RXRA: variants seen among roughly 807,000 people sequenced by gnomAD.
RXRA encodes retinoid X receptor alpha, also known as retinoic acid receptor RXR-alpha.
Under a neutral mutation model 44.5 loss-of-function variants are expected in RXRA, and 5 were observed. That is an observed-to-expected ratio of 0.11 (90% confidence interval 0.06 to 0.24). The LOEUF (loss-of-function observed/expected upper bound fraction) is 0.24. Among genes scored for constraint, RXRA ranks in the 10% least tolerant of loss-of-function variants. RXRA has a pLI of 1.00. For synonymous variants in RXRA, 291 were observed against 271.4 expected (o/e 1.07, Z -0.71); for missense variants, 412 against 646.5 (o/e 0.64, Z 3.93).
intron 7 of RXRA, 78 bp from the exon 8 acceptor site, chr9:134,431,827 G>A: frequency 8.7e-7 from 1 of 1,152,612 alleles, no homozygotes; most frequent in South Asian, 1.3e-5. Context: ...CTCTCCAGAG[G>A]CCTTGGGTAT....
At position 134,407,043 on chromosome 9, in the gene RXRA, C is replaced by T. The variant is rs898823696; in HGVS notation, c.280-1106C>T. On this transcript the variant is annotated intron_variant, in intron 2 of 9. Transcript: ENST00000481739. This position sits in a 1 kb window ranked among gnomAD's most constrained non-coding sequence, Gnocchi z 4.8. ...GGGGACCTCCTGGCCTCTCGCAGCC[C>T]ACCTGAGTCCTGCAGGGACCAAGCA... Among the ~76,000 whole-genome samples, 1 of 152,334 alleles carries T rather than the reference C, an allele frequency of 6.6e-6. No homozygotes were observed. Among genetic ancestry groups the T allele is most frequent in the East Asian group, 1.9e-4 (1 of 5,164 alleles).
At position 134,342,678 on chromosome 9, in the gene RXRA, T is replaced by C. The variant is rs1334889854; in HGVS notation, c.28+16019T>C. Among the ~76,000 whole-genome samples, 1 of 151,998 alleles carries C rather than the reference T, an allele frequency of 6.6e-6. No individual in the cohort carries two copies. Among genetic ancestry groups the C allele is most frequent in the East Asian group, 1.9e-4 (1 of 5,172 alleles). ...GGCCCCTGTGGTTCCCACAGGGCCA[T>C]GTGTGGTCTCCAGGGCTGAGATGGC... On this transcript the variant is annotated intron_variant, in intron 1 of 9. Coordinates refer to ENST00000481739, the MANE Select transcript of RXRA (RefSeq NM_002957.6). This position sits in a 1 kb window ranked among gnomAD's most constrained non-coding sequence, Gnocchi z 4.4.
chr9:134,421,562 C>T (rs1415078570), intron 5 of RXRA, 114 bp from the exon 6 acceptor site: 12 of 1,220,498 alleles, frequency 9.8e-6, no homozygotes, highest in Non-Finnish European at 1.4e-5. Flanking sequence ...TCTTTGGGGG[C>T]CGTATTCAGC....
chr9:134,414,314 C>T (rs1462512226), intron 4 of RXRA, among the ~76,000 whole-genome samples: 1 of 152,270 alleles, frequency 6.6e-6, no homozygotes, highest in Non-Finnish European at 1.5e-5. Flanking sequence ...GTCTGGGGCT[C>T]CCCATGCCCT....
intron 5 of RXRA, among the ~76,000 whole-genome samples, chr9:134,421,101 C>A (rs36048743): frequency 6.6e-6 from 1 of 152,210 alleles, no homozygotes; most frequent in Non-Finnish European, 1.5e-5. Context: ...CTCGCCGCAC[C>A]TGCCTTCCAG....
At chr9:134,371,370 G>C (rs1287366229) in intron 1 of RXRA, among the ~76,000 whole-genome samples, 3 of 152,240 alleles carry the variant, frequency 2.0e-5, no homozygotes, top group Non-Finnish European at 4.4e-5. Context: ...GGCCCCCCTG[G>C]TGTTCATTCA....
Position 134,397,093 on chromosome 9 carries a change from G to A in RXRA, c.29-4539G>A, listed in dbSNP as rs556703197. ...CCCAGGCTTCCTGCTCTGGGGTCCA[G>A]GGAGCAGAAGCATCCTGGCACTGGT... On this transcript the variant is annotated intron_variant, in intron 1 of 9. Coordinates refer to ENST00000481739, the MANE Select transcript of RXRA (RefSeq NM_002957.6). Among the ~76,000 whole-genome samples, 13 of 152,342 alleles carry A rather than the reference G, an allele frequency of 8.5e-5. No individual in the cohort carries two copies. In the East Asian group the frequency reaches 2.5e-3, roughly 29 times the overall value.
chr9:134,339,647 CTGTGTGTGTGCCTG>C (rs1280852020), intron 1 of RXRA, among the ~76,000 whole-genome samples: 4 of 121,580 alleles, frequency 3.3e-5, no homozygotes, highest in African/African-American at 1.3e-4. Context: ...GTGCGTGTGT[CTGTGTGTGTGCCTG>C]TGTGTGTGTG....
At chr9:134,330,113 C>T (rs1834979888) in intron 1 of RXRA, among the ~76,000 whole-genome samples, 1 of 152,122 alleles carries the variant, frequency 6.6e-6, no homozygotes, top group Admixed American at 6.5e-5. Context: ...GGGCTGGGAC[C>T]TCGAGTGGTG....
intron 2 of RXRA, 172 bp downstream of exon 2, chr9:134,402,054 C>G (rs889061316): frequency 1.0e-4 from 64 of 621,862 alleles, no homozygotes; most frequent in Non-Finnish European, 1.5e-4. Flanking sequence ...GGGGTTTGAG[C>G]CCAGGTGGGG....
At chr9:134,347,559 G>A (rs1443944857) in intron 1 of RXRA, among the ~76,000 whole-genome samples, 1 of 152,214 alleles carries the variant, frequency 6.6e-6, no homozygotes, top group African/African-American at 2.4e-5. Context: ...GCACAAGGCT[G>A]GGGGAGGACG....
At chr9:134,359,694 G>A (rs1448543952) in intron 1 of RXRA, among the ~76,000 whole-genome samples, 1 of 152,206 alleles carries the variant, frequency 6.6e-6, no homozygotes, top group East Asian at 1.9e-4. Context: ...CAGGCTGAGG[G>A]CAGGGGAAGC....
chr9:134,364,640 A>G (rs577955186), intron 1 of RXRA, among the ~76,000 whole-genome samples: 1 of 152,134 alleles, frequency 6.6e-6, no homozygotes, highest in South Asian at 2.1e-4. Context: ...GGGTGTGGAT[A>G]TGGCAGAGCA....
At position 134,342,441 on chromosome 9, in the gene RXRA, A is replaced by C. The variant is rs1369354821; in HGVS notation, c.28+15782A>C. On this transcript the variant is annotated intron_variant, in intron 1 of 9. Coordinates refer to ENST00000481739, the MANE Select transcript of RXRA (RefSeq NM_002957.6). This position sits in a 1 kb window ranked among gnomAD's most constrained non-coding sequence, Gnocchi z 4.4. ...GGCCGATCCTTGCCCTTTCCCTGCC[A>C]GGAAACTGAGGCACAGAGAGCAGGG... Among the ~76,000 whole-genome samples the C allele has an allele frequency of 1.3e-5, 2 of 152,318 alleles. No homozygotes were observed. Among genetic ancestry groups the C allele is most frequent in the East Asian group, 3.9e-4 (2 of 5,174 alleles).
At chr9:134,333,123 T>C (rs926716727) in intron 1 of RXRA, among the ~76,000 whole-genome samples, 1 of 152,024 alleles carries the variant, frequency 6.6e-6, no homozygotes, top group African/African-American at 2.4e-5. Flanking sequence ...GCTGAGACCA[T>C]GGAGGGGACC....
At position 134,395,874 on chromosome 9, in the gene RXRA, A is replaced by T. The variant is rs186213732; in HGVS notation, c.29-5758A>T. 1.1e-3 allele frequency among the ~76,000 whole-genome samples: 166 copies of T among 152,352 alleles called. 2 individuals carry two copies. Among genetic ancestry groups the T allele is most frequent in the Non-Finnish European group, 1.5e-3 (99 of 68,030 alleles). On this transcript the variant is annotated intron_variant, in intron 1 of 9. Transcript: ENST00000481739. ...GTTGGGGAAAGGGCAGGGTAACCTCAGAAGAGCTGAAATTCCAGCCTGGGC... is the reference window on the plus strand; with the variant it reads ...GTTGGGGAAAGGGCAGGGTAACCTCTGAAGAGCTGAAATTCCAGCCTGGGC...
Position 134,328,965 on chromosome 9 carries a change from C to T in RXRA, c.28+2306C>T, listed in dbSNP as rs113258469. 1.6e-3 allele frequency among the ~76,000 whole-genome samples: 243 copies of T among 152,328 alleles called. 1 individual carries two copies. The highest frequency in any genetic ancestry group is 2.7e-3 in the Non-Finnish European group (182 of 68,018). Reference sequence around the variant, plus strand: ...GGAAGGAAAGCAAGGCCGAGGGACTCGCCAGAGGCAGCCCCAGCTTCCTGG... The same window carrying T: ...GGAAGGAAAGCAAGGCCGAGGGACTTGCCAGAGGCAGCCCCAGCTTCCTGG... On this transcript the variant is annotated intron_variant, in intron 1 of 9. Coordinates refer to ENST00000481739, the MANE Select transcript of RXRA (RefSeq NM_002957.6).
At position 134,409,131 on chromosome 9, in the gene RXRA, C is replaced by T. The variant is rs749220618; in HGVS notation, c.610+12C>T. On this transcript the variant is annotated intron_variant, in intron 4 of 9. Transcript: ENST00000481739. ...CATGAAGCGGGAAGGTAGGCCACGG[C>T]GTCGGGTGGGGGCGCGGGCAGGTGT... is the stretch of plus-strand genomic sequence containing the variant. 3.1e-5 allele frequency: 48 copies of T among 1,540,450 alleles called. No homozygotes were observed. The highest frequency in any genetic ancestry group is 4.0e-5 in the Admixed American group (2 of 50,508).
At chr9:134,409,740 T>C (rs1488958330) in intron 4 of RXRA, among the ~76,000 whole-genome samples, 1 of 152,206 alleles carries the variant, frequency 6.6e-6, no homozygotes, top group African/African-American at 2.4e-5. Flanking sequence ...CTCTCAGGTT[T>C]GGCGATTCCT....
Sources: gnomAD v4.1 joint callset for allele counts (sites outside exome capture counted in the v4.1 genomes callset) on GRCh38, gnomAD v4.1.1 for gene constraint, Gnocchi (gnomAD v3.1) non-coding constraint, MANE v1.5 for transcripts, NCBI Gene and HGNC (gene_info 2026-07-23, HGNC 2026-07-21) for gene names.